DAB1: variants seen among roughly 807,000 people sequenced by gnomAD.
DAB1 encodes the protein DAB adaptor protein 1.
DAB1 carries 15 observed loss-of-function variants against 64.6 expected under a neutral mutation model. The ratio of observed to expected loss-of-function variants is 0.23; its 90% confidence interval spans 0.16 to 0.36. The LOEUF (loss-of-function observed/expected upper bound fraction) is 0.36, where lower values mean the gene tolerates loss of function less well. Among genes scored for constraint, DAB1 ranks in the 10% least tolerant of loss-of-function variants. The pLI, the probability that DAB1 is intolerant of heterozygous loss-of-function variation, is 1.00. For synonymous variants in DAB1, 235 were observed against 251.9 expected (o/e 0.93, Z 0.64); for missense variants, 596 against 706.7 (o/e 0.84, Z 1.78).
intron 5 of DAB1, among the ~76,000 whole-genome samples, chr1:57,978,225 C>G (rs1645970367): frequency 6.6e-6 from 1 of 152,050 alleles, no homozygotes; most frequent in Non-Finnish European, 1.5e-5. Flanking sequence ...GACATATAGA[C>G]CAGTGGAACA....
chr1:58,384,690 C>G (rs1218550446), intron 3 of DAB1, among the ~76,000 whole-genome samples: 4 of 152,174 alleles, frequency 2.6e-5, no homozygotes, highest in African/African-American at 9.7e-5. Context: ...GGGAAGCCAA[C>G]AGTGCAGCCT....
intron 14 of DAB1, among the ~76,000 whole-genome samples, chr1:57,000,105 G>A (rs1334176368): frequency 6.8e-5 from 10 of 146,468 alleles, no homozygotes; most frequent in Admixed American, 4.9e-4. Context: ...GTGCAGTGGC[G>A]CGATGTCGGC....
At chr1:57,740,913 A>G (rs1398455949) in intron 6 of DAB1, among the ~76,000 whole-genome samples, 1 of 152,218 alleles carries the variant, frequency 6.6e-6, no homozygotes, top group Non-Finnish European at 1.5e-5. Context: ...TTGGGCAGAA[A>G]GGAGGGAGTA....
chr1:58,419,902 G>A (rs1296453085), intron 3 of DAB1, among the ~76,000 whole-genome samples: 1 of 152,200 alleles, frequency 6.6e-6, no homozygotes, highest in Non-Finnish European at 1.5e-5. Context: ...CTTCTGGCCT[G>A]TGATAATGAC....
intron 1 of DAB1, among the ~76,000 whole-genome samples, chr1:57,410,160 A>G (rs898834277): frequency 6.6e-6 from 1 of 152,236 alleles, no homozygotes; most frequent in South Asian, 2.1e-4. Flanking sequence ...CAGTTTGGGA[A>G]TAATAAGAAA....
rs181603044 is a variant in DAB1, at chr1:57,911,527, G to A, written n.388-27365C>T. On this transcript the variant is annotated intron_variant and non_coding_transcript_variant, in intron 5 of 20. Coordinates refer to the DAB1 transcript ENST00000485760. ...TCTCAGGCCTCTTCCTTGATCCCAG[G>A]CCCAGAGCTTACCAGCCACTCCCAA... Among the ~76,000 whole-genome samples the A allele has an allele frequency of 2.2e-4, 33 of 152,064 alleles. 1 individual carries two copies. In the East Asian group the frequency reaches 6.4e-3, roughly 29 times the overall value.
intron 6 of DAB1, among the ~76,000 whole-genome samples, chr1:57,783,048 T>TTTCCTTCC (rs3081036): frequency 9.2e-4 from 109 of 118,456 alleles, no homozygotes; most frequent in African/African-American, 1.0e-3. Context: ...TCTTTCTTTC[T>TTTCCTTCC]TTCCTTCCTT....
chr1:57,288,129 C>A lies in DAB1; in HGVS notation c.67+2835G>T, dbSNP rs549064455. ...TCATTTTAATATACATGTGCCTTGGCCCAGACAAATGTATAGAGAATAATA... is the reference window on the plus strand; with the variant it reads ...TCATTTTAATATACATGTGCCTTGGACCAGACAAATGTATAGAGAATAATA... On this transcript the variant is annotated intron_variant, in intron 2 of 14. Coordinates refer to ENST00000371236, the MANE Select transcript of DAB1 (RefSeq NM_001365792.1). Among the ~76,000 whole-genome samples, 4 of 152,208 alleles carry A rather than the reference C, an allele frequency of 2.6e-5. No homozygotes were observed. In the South Asian group the frequency reaches 8.3e-4, roughly 32 times the overall value.
At chr1:57,240,923 C>T (rs1668449488) in intron 2 of DAB1, among the ~76,000 whole-genome samples, 1 of 152,164 alleles carries the variant, frequency 6.6e-6, no homozygotes, top group South Asian at 2.1e-4. Flanking sequence ...TAAATGCAGA[C>T]CTCTCCCCTT....
At chr1:58,324,244 C>A (rs1325387143) in intron 4 of DAB1, among the ~76,000 whole-genome samples, 1 of 152,126 alleles carries the variant, frequency 6.6e-6, no homozygotes, top group African/African-American at 2.4e-5. Context: ...CCTCAAATGC[C>A]TAGAGATACA....
At chr1:57,667,467 C>T (rs1053691664) in intron 6 of DAB1, among the ~76,000 whole-genome samples, 2 of 152,020 alleles carry the variant, frequency 1.3e-5, no homozygotes, top group Admixed American at 1.3e-4. Context: ...TTCTCTCATC[C>T]CATCCCTACT....
At chr1:58,169,235 A>G (rs1392256532) in intron 4 of DAB1, among the ~76,000 whole-genome samples, 2 of 152,124 alleles carry the variant, frequency 1.3e-5, no homozygotes, top group Non-Finnish European at 2.9e-5. Flanking sequence ...GAGCACAACT[A>G]TTCTGATCAG....
At chr1:57,062,557 C>T (rs368451096) in intron 9 of DAB1, among the ~76,000 whole-genome samples, 64 of 152,294 alleles carry the variant, frequency 4.2e-4, no homozygotes, top group African/African-American at 1.3e-3. Flanking sequence ...AGAAGAATTA[C>T]TTCTTCTAAA....
At chr1:58,140,347 A>G (rs1299884371) in intron 5 of DAB1, among the ~76,000 whole-genome samples, 1 of 152,202 alleles carries the variant, frequency 6.6e-6, no homozygotes, top group African/African-American at 2.4e-5. Context: ...CAGTGCTATA[A>G]TCAGGTATCC....
chr1:57,346,534 G>A (rs981493616), intron 1 of DAB1, among the ~76,000 whole-genome samples: 1 of 152,056 alleles, frequency 6.6e-6, no homozygotes, highest in Non-Finnish European at 1.5e-5. Flanking sequence ...AACACACACA[G>A]AGATGCAAAT....
intron 1 of DAB1, among the ~76,000 whole-genome samples, chr1:57,417,079 G>T (rs1030269559): frequency 1.3e-5 from 2 of 152,230 alleles, no homozygotes; most frequent in Non-Finnish European, 1.5e-5. Context: ...ATATTCAAAA[G>T]AATTATCAAA....
At chr1:57,611,963 T>A (rs1361558) in intron 7 of DAB1, among the ~76,000 whole-genome samples, 2 of 152,168 alleles carry the variant, frequency 1.3e-5, no homozygotes, top group South Asian at 2.1e-4. Context: ...GTCACTGGCC[T>A]CTTTGCTTTT....
rs114527066 is a variant in DAB1, at chr1:58,143,423, A to C, written n.387+7088T>G. 3.8e-3 allele frequency among the ~76,000 whole-genome samples: 584 copies of C among 152,334 alleles called. 1 individual carries two copies. The highest frequency in any genetic ancestry group is 0.014 in the African/African-American group (568 of 41,584). Reference sequence around the variant, plus strand: ...TTATGCTACATAACAGCAGGTATTCATTCCAAATCAGCTGATAACTGCCAT... The same window carrying C: ...TTATGCTACATAACAGCAGGTATTCCTTCCAAATCAGCTGATAACTGCCAT... On this transcript the variant is annotated intron_variant and non_coding_transcript_variant, in intron 5 of 20. Transcript: ENST00000485760.
At chr1:57,025,299 T>A (rs1399042996) in intron 10 of DAB1, among the ~76,000 whole-genome samples, 1 of 152,210 alleles carries the variant, frequency 6.6e-6, no homozygotes, top group Admixed American at 6.5e-5. Flanking sequence ...CTTTTCGTTT[T>A]CAAATTAGGT....
Sources: gnomAD v4.1 joint callset for allele counts (sites outside exome capture counted in the v4.1 genomes callset) on GRCh38, gnomAD v4.1.1 for gene constraint, MANE v1.5 for transcripts, NCBI Gene and HGNC (gene_info 2026-07-23, HGNC 2026-07-21) for gene names.